LRFN2: variants seen among roughly 807,000 people sequenced by gnomAD.
LRFN2 encodes the protein leucine rich repeat and fibronectin type III domain containing 2, also known as leucine-rich repeat and fibronectin type-III domain-containing protein 2.
In LRFN2, 18 loss-of-function variants were observed where a neutral mutation model predicts 37.3. The observed-to-expected ratio is 0.48, with a 90% confidence interval of 0.33 to 0.72. LRFN2 has a LOEUF of 0.72. Among genes scored for constraint, LRFN2 ranks in the 30% least tolerant of loss-of-function variants. LRFN2 has a pLI of 0.02. For missense variants in LRFN2, 1,006 were observed against 1,060.7 expected (o/e 0.95, Z 0.72); for synonymous variants, 556 against 466.6 (o/e 1.19, Z -2.47).
In LRFN2 at chr6:40,467,312, C is replaced by T. The variant is rs556827987; in HGVS notation, c.-18-34181G>A. ...ATCACTTGATGAACTGAGGGGAGAG[C>T]TTTCTCCAGATCCTGTCTGGGGCAG... On this transcript the variant is annotated intron_variant, in intron 1 of 2. Transcript: ENST00000338305. 3.3e-4 allele frequency among the ~76,000 whole-genome samples: 50 copies of T among 152,152 alleles called. 1 individual carries two copies. The highest frequency in any genetic ancestry group is 1.0e-3 in the Admixed American group (16 of 15,282).
chr6:40,435,700 G>T (rs200859559), intron 1 of LRFN2, among the ~76,000 whole-genome samples: 9 of 151,854 alleles, frequency 5.9e-5, no homozygotes, highest in African/African-American at 9.7e-5. Context: ...CACCACACCC[G>T]GCTAATTTTT....
intron 1 of LRFN2, 137 bp from the exon 2 acceptor site, chr6:40,433,268 C>A (rs1042144052): frequency 4.6e-5 from 28 of 609,300 alleles, no homozygotes; most frequent in Non-Finnish European, 7.3e-5. Context: ...GACCTAATCT[C>A]TTCCATGAAT....
At chr6:40,414,160 T>C (rs1029525057) in intron 2 of LRFN2, among the ~76,000 whole-genome samples, 1 of 152,104 alleles carries the variant, frequency 6.6e-6, no homozygotes, top group African/African-American at 2.4e-5. Flanking sequence ...ACATACCCTC[T>C]CTTCTCCCTG....
chr6:40,439,613 C>A (rs889693949), intron 1 of LRFN2, among the ~76,000 whole-genome samples: 2 of 152,220 alleles, frequency 1.3e-5, no homozygotes, highest in African/African-American at 4.8e-5. Flanking sequence ...CTGTCTCCAG[C>A]ACATCCGCCT....
At chr6:40,458,685 A>G (rs1764284222) in intron 1 of LRFN2, among the ~76,000 whole-genome samples, 1 of 152,176 alleles carries the variant, frequency 6.6e-6, no homozygotes, top group South Asian at 2.1e-4. Context: ...TGTTCTCCCA[A>G]GGAAAGTGTG....
chr6:40,497,708 G>C (rs1186070402), intron 1 of LRFN2, among the ~76,000 whole-genome samples: 1 of 152,100 alleles, frequency 6.6e-6, no homozygotes, highest in Non-Finnish European at 1.5e-5. Flanking sequence ...CAGCACAGGT[G>C]TCCTAGATTT....
chr6:40,490,286 G>C (rs997300372), intron 1 of LRFN2, among the ~76,000 whole-genome samples: 1 of 152,220 alleles, frequency 6.6e-6, no homozygotes, highest in Non-Finnish European at 1.5e-5. Context: ...GCTTGGAACA[G>C]ACTCTCTGGT....
intron 1 of LRFN2, among the ~76,000 whole-genome samples, chr6:40,546,873 A>G (rs1349191002): frequency 6.6e-6 from 1 of 152,134 alleles, no homozygotes; most frequent in Non-Finnish European, 1.5e-5. Flanking sequence ...CAAGCAATCA[A>G]CCTCAAAGCC....
chr6:40,433,009 C>T lies in LRFN2; in HGVS notation c.105G>A (p.Gly35=). 4 of 1,607,262 alleles carry T rather than the reference C, an allele frequency of 2.5e-6. No homozygotes were observed. Among genetic ancestry groups the T allele is most frequent in the Non-Finnish European group, 2.6e-6 (3 of 1,176,298 alleles). The change falls in exon 2 of 3, where the codon GGG becomes GGA. Residue 35 remains glycine, a synonymous_variant. Coordinates refer to ENST00000338305, the MANE Select transcript of LRFN2 (RefSeq NM_020737.3). ...GCAGCCCCTTGGAGGGGCACAGGGT[C>T]CCCAGTGACTCAGACAGATTCTGGC... is the stretch of plus-strand genomic sequence containing the variant. ...CVCQNLSESL[G]TLCPSKGLLF...
intron 1 of LRFN2, among the ~76,000 whole-genome samples, chr6:40,478,134 T>A (rs141293740): frequency 1.6e-3 from 250 of 152,230 alleles, no homozygotes; most frequent in Admixed American, 5.0e-3. Flanking sequence ...CCTGCTGCCA[T>A]CCTCTTCCTC....
chr6:40,573,236 A>G (rs1767217768), intron 1 of LRFN2, among the ~76,000 whole-genome samples: 1 of 152,210 alleles, frequency 6.6e-6, no homozygotes, highest in Non-Finnish European at 1.5e-5. Context: ...TGACTATTCC[A>G]GAGGCCATTG....
chr6:40,455,864 G>A (rs1764223532), intron 1 of LRFN2, among the ~76,000 whole-genome samples: 1 of 152,198 alleles, frequency 6.6e-6, no homozygotes, highest in South Asian at 2.1e-4. Flanking sequence ...TAATCATAAG[G>A]GAGATTATCC....
chr6:40,479,016 G>A lies in LRFN2; in HGVS notation c.-18-45885C>T, dbSNP rs150734113. Among the ~76,000 whole-genome samples, 598 of 152,286 alleles carry A rather than the reference G, an allele frequency of 3.9e-3. 11 individuals carry two copies. The highest frequency in any genetic ancestry group is 0.036 in the East Asian group (186 of 5,180). ...GGTATAGGCAAATAGTTGAGGCACA[G>A]GTTCGGAAATTTTGTCTGGCTTAAA... On this transcript the variant is annotated intron_variant, in intron 1 of 2. Transcript: ENST00000338305.
intron 2 of LRFN2, among the ~76,000 whole-genome samples, chr6:40,409,912 G>T (rs1392384757): frequency 1.3e-5 from 2 of 152,308 alleles, no homozygotes; most frequent in East Asian, 3.9e-4. Flanking sequence ...ACCCCACGGA[G>T]AGTTGCCCTT....
In LRFN2 at chr6:40,523,977, GGGGGAGGGGC is replaced by G. The variant is rs1766167562; in HGVS notation, c.-19+62954_-19+62963del. 5 of 18,552 alleles carry G rather than the reference GGGGGAGGGGC, an allele frequency of 2.7e-4. No individual in the cohort carries two copies. The African/African-American group carries it at 7.0e-3, about 26-fold the overall frequency. 1.1% of individuals were successfully genotyped at this position (18,552 alleles called of 1,614,324 possible). On this transcript the variant is annotated intron_variant, in intron 1 of 2. Coordinates refer to ENST00000338305, the MANE Select transcript of LRFN2 (RefSeq NM_020737.3). ...CCAACTGTGTCTGCATAGAAGGGCA[GGGGGAGGGGC>G]TGGGAAGGGCAGGGGGAGGGGCTGG...
At chr6:40,568,278 T>A (rs1767125262) in intron 1 of LRFN2, among the ~76,000 whole-genome samples, 1 of 152,228 alleles carries the variant, frequency 6.6e-6, no homozygotes, top group Non-Finnish European at 1.5e-5. Flanking sequence ...GACTGTGGTG[T>A]CTGCCCTGTG....
chr6:40,536,845 C>A (rs747248081), intron 1 of LRFN2, among the ~76,000 whole-genome samples: 4 of 152,192 alleles, frequency 2.6e-5, no homozygotes, highest in Non-Finnish European at 5.9e-5. Context: ...GAAGGCACCC[C>A]TGGAGGATAA....
chr6:40,452,226 A>G (rs1216038098), intron 1 of LRFN2, among the ~76,000 whole-genome samples: 5 of 152,178 alleles, frequency 3.3e-5, no homozygotes, highest in Non-Finnish European at 7.3e-5. Flanking sequence ...TGCATGTCAG[A>G]GTTTCTCTAG....
At chr6:40,441,426 G>T (rs544365407) in intron 1 of LRFN2, among the ~76,000 whole-genome samples, 98 of 152,228 alleles carry the variant, frequency 6.4e-4, no homozygotes, top group Non-Finnish European at 1.1e-3. Flanking sequence ...TGAGTGAACG[G>T]GTGTGTCTCT....
Sources: gnomAD v4.1 joint callset for allele counts (sites outside exome capture counted in the v4.1 genomes callset) on GRCh38, gnomAD v4.1.1 for gene constraint, MANE v1.5 for transcripts, NCBI Gene and HGNC (gene_info 2026-07-23, HGNC 2026-07-21) for gene names.